CADPS: variants seen among roughly 807,000 people sequenced by gnomAD.
CADPS encodes the protein calcium dependent secretion activator.
In CADPS, 57 loss-of-function variants were observed where a neutral mutation model predicts 167.3. That is an observed-to-expected ratio of 0.34 (90% CI 0.28 to 0.42). The LOEUF is 0.42. Ranked by LOEUF, CADPS falls within the 20% of genes least tolerant of loss-of-function variation. The pLI is 1.00. For missense variants in CADPS, 1,414 were observed against 1,738.1 expected, an observed-to-expected ratio of 0.81 and a Z score of 3.32; for synonymous variants, 676 against 635.3, an observed-to-expected ratio of 1.06 and a Z score of -0.96.
chr3:62,769,501 G>A (rs1237084968), intron 1 of CADPS, among the ~76,000 whole-genome samples: 1 of 152,100 alleles, frequency 6.6e-6, no homozygotes, highest in Non-Finnish European at 1.5e-5. Flanking sequence ...CAAAGTGCTG[G>A]AATTACAGGC....
At chr3:62,852,098 G>C (rs993245633) in intron 1 of CADPS, among the ~76,000 whole-genome samples, 1 of 147,144 alleles carries the variant, frequency 6.8e-6, no homozygotes, top group Non-Finnish European at 1.5e-5. Context: ...TCTTCACGTA[G>C]TTCTCGAGCC....
At chr3:62,497,170 C>T (rs1307180506) in intron 18 of CADPS, among the ~76,000 whole-genome samples, 1 of 152,062 alleles carries the variant, frequency 6.6e-6, no homozygotes, top group Non-Finnish European at 1.5e-5. Flanking sequence ...GCATATAAGC[C>T]CTCCTTTGGT....
At chr3:62,679,848 G>A (rs933742964) in intron 3 of CADPS, among the ~76,000 whole-genome samples, 2 of 151,990 alleles carry the variant, frequency 1.3e-5, no homozygotes, top group African/African-American at 4.8e-5. Flanking sequence ...GTCATTAGAT[G>A]GAAGAGGGAG....
chr3:62,414,213 G>T (rs1386862586), intron 28 of CADPS, among the ~76,000 whole-genome samples: 2 of 152,078 alleles, frequency 1.3e-5, no homozygotes, highest in Non-Finnish European at 2.9e-5. Flanking sequence ...TTTTCACAGA[G>T]ACTCCCCTGT....
chr3:62,829,659 C>A (rs75802017), intron 1 of CADPS, among the ~76,000 whole-genome samples: 2,297 of 152,216 alleles, frequency 0.015, 58 homozygotes, highest in African/African-American at 0.051. Context: ...CAATGATCTA[C>A]CATTTACTAG....
At chr3:62,768,022 G>A (rs9850001) in intron 1 of CADPS, among the ~76,000 whole-genome samples, 33,073 of 152,038 alleles carry the variant, frequency 0.22, 3,744 homozygotes, top group Middle Eastern at 0.29. Context: ...AGTGGCTATT[G>A]CACTGGACCA....
chr3:62,463,584 C>T (rs1329139163), intron 26 of CADPS, among the ~76,000 whole-genome samples: 1 of 152,160 alleles, frequency 6.6e-6, no homozygotes, highest in African/African-American at 2.4e-5. Context: ...AGCTGAATCC[C>T]ACTCTCTCCA....
chr3:62,399,417 C>T lies in CADPS; in HGVS notation c.4051G>A (p.Glu1351Lys), dbSNP rs1375376847. The T allele has an allele frequency of 1.9e-6, 3 of 1,614,158 alleles. No individual in the cohort carries two copies. In the East Asian group the frequency reaches 6.7e-5, roughly 36 times the overall value. Reference sequence around the variant, plus strand: ...TAGGACCAAATGGTCTAATCGTCTTCTTCGTCTTCCTCATCGCTGTCCTTC... The same window carrying T: ...TAGGACCAAATGGTCTAATCGTCTTTTTCGTCTTCCTCATCGCTGTCCTTC... ...SMKDSDEEDE[E>K]DD is the part of the protein sequence containing the mutation. The change falls in exon 30 of 30, where the codon GAA becomes AAA. Residue 1351 changes from glutamate to lysine, a missense_variant. By Grantham distance (56) the Glu-to-Lys change is moderately conservative. Around this residue, in one of 6 missense-constraint regions of CADPS, gnomAD observed 185 missense variants for 251.5 expected, o/e 0.74. Coordinates refer to ENST00000383710, the MANE Select transcript of CADPS (RefSeq NM_003716.4). This position sits in a 1 kb window ranked among gnomAD's most constrained non-coding sequence, Gnocchi z 5.6.
intron 1 of CADPS, among the ~76,000 whole-genome samples, chr3:62,853,303 G>A (rs2078992525): frequency 6.6e-6 from 1 of 152,088 alleles, no homozygotes; most frequent in South Asian, 2.1e-4. Context: ...TATGGCCTAT[G>A]GTCAAGAATA....
intron 3 of CADPS, among the ~76,000 whole-genome samples, chr3:62,721,884 A>C (rs1016517502): frequency 6.6e-6 from 1 of 152,194 alleles, no homozygotes; most frequent in Non-Finnish European, 1.5e-5. Flanking sequence ...TGCAGCCACT[A>C]GTGTCAGATC....
intron 13 of CADPS, among the ~76,000 whole-genome samples, chr3:62,522,568 A>G (rs2070952770): frequency 6.6e-6 from 1 of 152,108 alleles, no homozygotes. Flanking sequence ...TGAGGCCCCC[A>G]GCATCATCCT....
At chr3:62,763,171 C>T (rs927808062) in intron 2 of CADPS, among the ~76,000 whole-genome samples, 1 of 152,154 alleles carries the variant, frequency 6.6e-6, no homozygotes, top group Non-Finnish European at 1.5e-5. Context: ...GTCTATTTCA[C>T]CCCCATCCAC....
At chr3:62,709,703 C>T (rs1378246420) in intron 3 of CADPS, among the ~76,000 whole-genome samples, 1 of 152,078 alleles carries the variant, frequency 6.6e-6, no homozygotes, top group African/African-American at 2.4e-5. Flanking sequence ...CAACACGCTC[C>T]CCAAGTGATT....
intron 1 of CADPS, among the ~76,000 whole-genome samples, chr3:62,855,684 TA>T (rs1399638881): frequency 1.1e-4 from 17 of 152,188 alleles, no homozygotes; most frequent in African/African-American, 4.1e-4. Context: ...GTTTTGCTTA[TA>T]ATTTATAATT....
chr3:62,600,551 T>C (rs1041301308), intron 6 of CADPS, among the ~76,000 whole-genome samples: 2 of 152,160 alleles, frequency 1.3e-5, no homozygotes, highest in East Asian at 1.9e-4. Context: ...AAAAGCGCCA[T>C]ATTGGCATCA....
chr3:62,485,242 A>G (rs2062630351), intron 21 of CADPS, among the ~76,000 whole-genome samples: 1 of 152,078 alleles, frequency 6.6e-6, no homozygotes, highest in Admixed American at 6.5e-5. Context: ...AAAAAAAAAA[A>G]ATTCCAAACT....
chr3:62,607,139 GCAGTGCC>G (rs1230493036), intron 6 of CADPS, among the ~76,000 whole-genome samples: 1 of 152,198 alleles, frequency 6.6e-6, no homozygotes, highest in East Asian at 1.9e-4. Context: ...ATCACATTAT[GCAGTGCC>G]CAGAGATATT....
Position 62,544,809 on chromosome 3 carries a change from TG to T in CADPS, c.1966+5093del. On this transcript the variant is annotated intron_variant, in intron 11 of 29. Transcript: ENST00000383710. This position sits in a 1 kb window ranked among gnomAD's most constrained non-coding sequence, Gnocchi z 4.4. ...ATTGCAGGTGTCAGATAATCTAATC[TG>T]ATTATCTGAGCTGTGCTAGCTATAG... 9.1e-7 allele frequency: 1 copy of T among 1,101,964 alleles called. No homozygotes were observed. Among genetic ancestry groups the T allele is most frequent in the Non-Finnish European group, 1.1e-6 (1 of 876,984 alleles). 68.3% of individuals were successfully genotyped at this position (1,101,964 alleles called of 1,614,324 possible).
At chr3:62,662,164 G>C in intron 4 of CADPS, 150 bp downstream of exon 4, 1 of 680,102 alleles carries the variant, frequency 1.5e-6, no homozygotes, top group Middle Eastern at 4.1e-4. Context: ...CCTTGAGAAA[G>C]GAGGGCTGAG....
Sources: allele counts gnomAD v4.1 joint callset (sites outside exome capture counted in the v4.1 genomes callset), GRCh38; gene constraint gnomAD v4.1.1; regional missense constraint gnomAD v4.1.1; non-coding constraint Gnocchi (gnomAD v3.1); transcripts MANE v1.5; gene names NCBI Gene and HGNC (gene_info 2026-07-23, HGNC 2026-07-21).